The following CTNND2 variants were observed in gnomAD, a reference collection of about 807,000 sequenced individuals.
CTNND2 encodes the protein catenin delta 2.
Under a neutral mutation model 144.4 loss-of-function variants are expected in CTNND2, and 22 were observed. The ratio of observed to expected loss-of-function variants is 0.15; its 90% CI spans 0.11 to 0.22. The LOEUF (loss-of-function observed/expected upper bound fraction) is 0.22, where lower values mean the gene tolerates loss of function less well. Ranked by LOEUF, CTNND2 falls within the 10% of genes least tolerant of loss-of-function variation. CTNND2 has a pLI of 1.00. For synonymous variants in CTNND2, 751 were observed against 695.6 expected (o/e 1.08, Z -1.25); for missense variants, 1,353 against 1,618.8 (o/e 0.84, Z 2.82).
rs574726783 is a variant in CTNND2 at position 11,650,139 on chromosome 5, G to A, written c.174+81997C>T. Among the ~76,000 whole-genome samples, 4 of 152,178 alleles carry A rather than the reference G, an allele frequency of 2.6e-5. No individual in the cohort carries two copies. In the East Asian group the frequency reaches 5.8e-4, roughly 22 times the overall value. On this transcript the variant is annotated intron_variant, in intron 2 of 21. Coordinates refer to ENST00000304623, the MANE Select transcript of CTNND2 (RefSeq NM_001332.4). ...CTGGTGGAACATGATTGGATCGTGGGGGTGATTTCCCCCTTGCAGTTTTCA... is the reference window on the plus strand; with the variant it reads ...CTGGTGGAACATGATTGGATCGTGGAGGTGATTTCCCCCTTGCAGTTTTCA...
rs187562674 is a variant in CTNND2, at chr5:11,422,421, T to C, written c.288-10352A>G. On this transcript the variant is annotated intron_variant, in intron 3 of 21. Coordinates refer to ENST00000304623, the MANE Select transcript of CTNND2 (RefSeq NM_001332.4). ...CAGGAGAAAATAAATCAGAACTAAATTGCCGCTATTAATTTTAGTTTGAGG... is the reference window on the plus strand; with the variant it reads ...CAGGAGAAAATAAATCAGAACTAAACTGCCGCTATTAATTTTAGTTTGAGG... Among the ~76,000 whole-genome samples the C allele has an allele frequency of 9.2e-5, 14 of 152,316 alleles. No homozygotes were observed. The East Asian group carries it at 2.1e-3, about 23-fold the overall frequency.
At chr5:11,396,642 T>C (rs1245801615) in intron 6 of CTNND2, among the ~76,000 whole-genome samples, 2 of 151,794 alleles carry the variant, frequency 1.3e-5, no homozygotes, top group Non-Finnish European at 2.9e-5. Flanking sequence ...AATCCCATGC[T>C]TTTTTTTAGG....
intron 1 of CTNND2, among the ~76,000 whole-genome samples, chr5:11,786,981 T>G (rs747088460): frequency 1.1e-4 from 16 of 152,210 alleles, no homozygotes; most frequent in Non-Finnish European, 2.2e-4. Flanking sequence ...CAAAATTGTT[T>G]AAACAATAAG....
Position 11,384,547 on chromosome 5 carries a change from A to T in CTNND2, c.1177+118T>A, listed in dbSNP as rs1330969390. On this transcript the variant is annotated intron_variant, in intron 7 of 21. Transcript: ENST00000304623. The surrounding 1 kb of genome is among the most constrained non-coding windows in gnomAD (Gnocchi z 5.2). ...AGCCCTGGCGTTCTCTGTCTCCTGC[A>T]ACTACTACAACCTGGCAGACAGCGC... 9.1e-6 allele frequency: 8 copies of T among 881,544 alleles called. No homozygotes were observed. The highest frequency in any genetic ancestry group is 1.4e-5 in the Non-Finnish European group (8 of 592,240). The allele number at this position is 881,544 out of a possible 1,614,324, so 54.6% of individuals were successfully genotyped here.
At position 11,751,291 on chromosome 5, in the gene CTNND2, T is replaced by C. The variant is rs527748572; in HGVS notation, c.38-19019A>G. Among the ~76,000 whole-genome samples, 7 of 151,898 alleles carry C rather than the reference T, an allele frequency of 4.6e-5. No individual in the cohort carries two copies. The South Asian group carries it at 1.5e-3, about 32-fold the overall frequency. ...TATGCAGGTTTGTAATATAGGTAAA[T>C]TGAGTGTCATGGGGGTCTGGTGTAC... is the stretch of plus-strand genomic sequence containing the variant. On this transcript the variant is annotated intron_variant, in intron 1 of 21. Transcript: ENST00000304623.
At chr5:11,200,915 G>A (rs1328817214) in intron 10 of CTNND2, among the ~76,000 whole-genome samples, 2 of 147,136 alleles carry the variant, frequency 1.4e-5, no homozygotes, top group South Asian at 2.1e-4. Flanking sequence ...TCCTGACCTC[G>A]TGATCCGCCC....
intron 16 of CTNND2, among the ~76,000 whole-genome samples, chr5:11,059,261 T>G (rs1184046229): frequency 2.6e-5 from 4 of 152,218 alleles, no homozygotes; most frequent in Non-Finnish European, 4.4e-5. Flanking sequence ...TTCCCACATG[T>G]CATGGGAAGA....
At chr5:11,675,398 G>C (rs968172001) in intron 2 of CTNND2, among the ~76,000 whole-genome samples, 2 of 152,062 alleles carry the variant, frequency 1.3e-5, no homozygotes, top group African/African-American at 4.8e-5. Flanking sequence ...AATCCAAGTA[G>C]GGATGAATGC....
chr5:11,397,700 T>C (rs1008677719), intron 5 of CTNND2, among the ~76,000 whole-genome samples: 1 of 152,286 alleles, frequency 6.6e-6, no homozygotes, highest in Admixed American at 6.5e-5. Flanking sequence ...GGGTAGACAG[T>C]GTTTAAAATA....
chr5:11,310,614 T>C (rs575050052), intron 9 of CTNND2, among the ~76,000 whole-genome samples: 32 of 151,988 alleles, frequency 2.1e-4, no homozygotes, highest in African/African-American at 7.5e-4. Flanking sequence ...ATGCTGTTTC[T>C]CAACATGGAA....
chr5:11,281,533 C>T (rs1361618488), intron 9 of CTNND2, among the ~76,000 whole-genome samples: 1 of 152,218 alleles, frequency 6.6e-6, no homozygotes, highest in African/African-American at 2.4e-5. Flanking sequence ...GTTTTCCTAT[C>T]ATGTATATTA....
chr5:11,194,954 A>G (rs1736706021), intron 11 of CTNND2, among the ~76,000 whole-genome samples: 1 of 152,226 alleles, frequency 6.6e-6, no homozygotes, highest in African/African-American at 2.4e-5. Flanking sequence ...GTTGGATATC[A>G]GTGAATTCTT....
At chr5:11,171,705 C>A (rs2149787131) in intron 11 of CTNND2, among the ~76,000 whole-genome samples, 1 of 152,270 alleles carries the variant, frequency 6.6e-6, no homozygotes, top group South Asian at 2.1e-4. Context: ...AGTCCATCAA[C>A]TGTCAGAGGT....
At chr5:11,699,647 G>A (rs1318174603) in intron 2 of CTNND2, among the ~76,000 whole-genome samples, 1 of 152,142 alleles carries the variant, frequency 6.6e-6, no homozygotes, top group Non-Finnish European at 1.5e-5. Context: ...AGAACATAAA[G>A]AGAAGCCTCC....
intron 3 of CTNND2, among the ~76,000 whole-genome samples, chr5:11,447,355 A>G (rs1764909753): frequency 6.6e-6 from 1 of 151,880 alleles, no homozygotes; most frequent in Admixed American, 6.6e-5. Context: ...AAAAAAAAAA[A>G]GACAAACAAA....
At position 11,631,870 on chromosome 5, in the gene CTNND2, C is replaced by T. The variant is rs556518457; in HGVS notation, c.175-66814G>A. ...ATCGCCCACTTACAGAGCAAGAGTG[C>T]CAATCCAAAAGACATGGGGCATGTC... On this transcript the variant is annotated intron_variant, in intron 2 of 21. Transcript: ENST00000304623. Among the ~76,000 whole-genome samples, 12 of 152,226 alleles carry T rather than the reference C, an allele frequency of 7.9e-5. No homozygotes were observed. In the South Asian group the frequency reaches 2.5e-3, roughly 32 times the overall value.
At chr5:11,489,265 T>C (rs1289085546) in intron 3 of CTNND2, among the ~76,000 whole-genome samples, 9 of 152,318 alleles carry the variant, frequency 5.9e-5, no homozygotes, top group African/African-American at 1.7e-4. Flanking sequence ...GTGATCTCTT[T>C]GGGTTTTCAT....
At chr5:11,004,528 C>T (rs1740278971) in intron 18 of CTNND2, among the ~76,000 whole-genome samples, 1 of 152,136 alleles carries the variant, frequency 6.6e-6, no homozygotes. Context: ...CTTTGAGAGG[C>T]CGAGGTGGGT....
chr5:10,973,711 A>G lies in CTNND2; in HGVS notation c.3420T>C (p.Val1140=). The G allele has an allele frequency of 1.9e-6, 3 of 1,593,214 alleles. No individual in the cohort carries two copies. Among genetic ancestry groups the G allele is most frequent in the Non-Finnish European group, 2.6e-6 (3 of 1,169,562 alleles). ...APAEDIKHNQ[V]SAQPVPQEPS... ...GCTCCTGTGGGACTGGCTGTGCTGA[A>G]ACCTAAACGGGAAAGAAGAGCCACA... The change falls in exon 22 of 22, where the codon GTT becomes GTC. Residue 1140 remains valine, a splice_region_variant and synonymous_variant. Transcript: ENST00000304623. The surrounding 1 kb of genome is among the most constrained non-coding windows in gnomAD (Gnocchi z 5.6).
Sources: allele counts gnomAD v4.1 joint callset (sites outside exome capture counted in the v4.1 genomes callset), GRCh38; gene constraint gnomAD v4.1.1; non-coding constraint Gnocchi (gnomAD v3.1); transcripts MANE v1.5; gene names NCBI Gene and HGNC (gene_info 2026-07-23, HGNC 2026-07-21).